AANAT: variants seen among roughly 807,000 people sequenced by gnomAD.
AANAT encodes serotonin N-acetyltransferase.
Under a neutral mutation model 15.6 loss-of-function variants are expected in AANAT, and 11 were observed. The observed-to-expected ratio is 0.71, with a 90% confidence interval of 0.44 to 1.17. AANAT has a LOEUF of 1.17. AANAT is among the 50% of genes most tolerant of loss of function. The probability of loss-of-function intolerance (pLI) is 0.00; values close to 1 mark genes in which losing one functional copy is unlikely to be tolerated. For synonymous variants in AANAT, 139 were observed against 131.5 expected (o/e 1.06, Z -0.39); for missense variants, 286 against 296.3 (o/e 0.97, Z 0.26).
chr17:76,469,462 C>A lies in AANAT; in HGVS notation c.318+135C>A. The stretch of plus-strand genomic sequence containing the variant: ...AGAGATGAGTACAGGCCACAGGCCC[C>A]TCCCAGAGCAAGACCTTCTGGGTCT... On this transcript the variant is annotated intron_variant, in intron 3 of 3. Transcript: ENST00000392492. The surrounding 1 kb of genome is among the most constrained non-coding windows in gnomAD (Gnocchi z 5.2). The A allele has an allele frequency of 7.5e-7, 1 of 1,336,846 alleles. No individual in the cohort carries two copies. 82.8% of individuals were successfully genotyped at this position (1,336,846 alleles called of 1,614,324 possible). A position where few individuals can be genotyped will look rare whatever the true frequency, so the allele number is the denominator to read the frequency against.
chr17:76,468,610 C>T, intron 1 of AANAT, 62 bp from the exon 2 acceptor site: 2 of 1,429,892 alleles, frequency 1.4e-6, no homozygotes, highest in South Asian at 1.3e-5. Context: ...CAGATACATA[C>T]TCTGGGGCCT....
chr17:76,468,818 G>A lies in AANAT; in HGVS notation c.72G>A (p.Pro24=). ...PRLPPGIPES[P]SCQRRHTLPA... The stretch of plus-strand genomic sequence containing the variant: ...TGCCACCTGGGATCCCCGAGTCCCC[G>A]AGCTGTCAGCGGCGCCACACACTCC... Residue 24 remains proline (P), a synonymous_variant, in exon 2 of 4, where the codon CCG becomes CCA. Transcript: ENST00000392492. The A allele has an allele frequency of 1.2e-6, 2 of 1,613,534 alleles. No homozygotes were observed. Among genetic ancestry groups the A allele is most frequent in the Non-Finnish European group, 1.7e-6 (2 of 1,179,974 alleles).
intron 1 of AANAT, among the ~76,000 whole-genome samples, chr17:76,458,425 T>C (rs1311232070): frequency 6.6e-6 from 1 of 152,192 alleles, no homozygotes; most frequent in African/African-American, 2.4e-5. Flanking sequence ...TTTGTCATTG[T>C]TGAGGTGTAG....
Position 76,469,292 on chromosome 17 carries a change from A to T in AANAT, c.283A>T (p.Ile95Phe). ...FEEGCLVAFI[I>F]GSLWDKERLM... ...GGAGGGCTGCCTTGTGGCCTTCATC[A>T]TCGGCTCGCTCTGGGACAAGGAGAG... The change falls in exon 3 of 4, where the codon ATC (isoleucine) becomes TTC (phenylalanine). Residue 95 changes from isoleucine to phenylalanine, a missense_variant. Physicochemically the swap from Ile to Phe is conservative, Grantham distance 21. Transcript: ENST00000392492. The surrounding 1 kb of genome is among the most constrained non-coding windows in gnomAD (Gnocchi z 5.2). 6.2e-7 allele frequency: 1 copy of T among 1,614,128 alleles called. No homozygotes were observed. The highest frequency in any genetic ancestry group is 8.5e-7 in the Non-Finnish European group (1 of 1,180,028).
chr17:76,469,527 T>G lies in AANAT; in HGVS notation c.319-138T>G. ...TGGGGTTGGGGGTATGGCTCCCAAT[T>G]TGGGGCCCTCCTTTGCTGGGGTGGG... is the stretch of plus-strand genomic sequence containing the variant. On this transcript the variant is annotated intron_variant, in intron 3 of 3. Coordinates refer to ENST00000392492, the MANE Select transcript of AANAT (RefSeq NM_001088.3). This position sits in a 1 kb window ranked among gnomAD's most constrained non-coding sequence, Gnocchi z 5.2. 8.1e-7 allele frequency: 1 copy of G among 1,229,900 alleles called. No individual in the cohort carries two copies. The highest frequency in any genetic ancestry group is 1.1e-6 in the Non-Finnish European group (1 of 914,190). 76.2% of individuals were successfully genotyped at this position (1,229,900 alleles called of 1,614,324 possible).
At chr17:76,464,692 G>A (rs915061515), upstream of AANAT, among the ~76,000 whole-genome samples, 11 of 148,514 alleles carry the variant, frequency 7.4e-5, no homozygotes, top group Non-Finnish European at 1.2e-4. Flanking sequence ...CATGAGCCAC[G>A]ACGTCAAGCC....
At chr17:76,453,491 A>G (rs537228095) in exon 1 of AANAT, 5 of 205,188 alleles carry the variant, frequency 2.4e-5, no homozygotes, top group East Asian at 2.2e-4. Flanking sequence ...TGGTGGAGAG[A>G]CTGTCAACAA....
upstream of AANAT, among the ~76,000 whole-genome samples, chr17:76,463,840 C>A (rs1396446908): frequency 1.3e-5 from 2 of 152,170 alleles, no homozygotes; most frequent in African/African-American, 4.8e-5. Flanking sequence ...GATACACATC[C>A]TCTCAGAACC....
chr17:76,454,426 A>G (rs1362569596), intron 1 of AANAT, among the ~76,000 whole-genome samples: 1 of 151,936 alleles, frequency 6.6e-6, no homozygotes, highest in South Asian at 2.1e-4. Flanking sequence ...CTGAGGTTGC[A>G]GTGAGCCCAG....
At chr17:76,462,948 G>A (rs1288466392), upstream of AANAT, among the ~76,000 whole-genome samples, 1 of 152,208 alleles carries the variant, frequency 6.6e-6, no homozygotes, top group African/African-American at 2.4e-5. Flanking sequence ...CCACTCCTTG[G>A]TCTGCCCCAA....
In AANAT at chr17:76,460,226, G is replaced by A. The variant is rs1016133028; in HGVS notation, c.-456+860G>A. On this transcript the variant is annotated intron_variant, in intron 2 of 6. Coordinates refer to the AANAT transcript ENST00000250615. The stretch of plus-strand genomic sequence containing the variant: ...TGTCCTGGCAGGACCTCGACTCACT[G>A]CAACCTCCGCATCCCGGGTTCAAGA... Among the ~76,000 whole-genome samples, 7 of 137,442 alleles carry A rather than the reference G, an allele frequency of 5.1e-5. 1 individual carries two copies. The South Asian group carries it at 1.4e-3, about 28-fold the overall frequency. 90.2% of individuals were successfully genotyped at this position (137,442 alleles called of 152,430 possible).
chr17:76,468,708 C>G lies in AANAT; in HGVS notation c.-39C>G, dbSNP rs555562799. The G allele has an allele frequency of 1.3e-6, 2 of 1,585,896 alleles. No individual in the cohort carries two copies. The highest frequency in any genetic ancestry group is 1.7e-6 in the Non-Finnish European group (2 of 1,168,490). On this transcript the variant is annotated 5_prime_UTR_variant, in exon 2 of 4. Coordinates refer to ENST00000392492, the MANE Select transcript of AANAT (RefSeq NM_001088.3). ...CCCTCCTTGGCTTAGGAGGACACTT[C>G]CAAAGCTGGGGCGCCCCAAGGAGGC...
At chr17:76,464,819 C>T (rs2073421945), upstream of AANAT, among the ~76,000 whole-genome samples, 1 of 150,026 alleles carries the variant, frequency 6.7e-6, no homozygotes, top group Non-Finnish European at 1.5e-5. Context: ...TTTGAGATAG[C>T]AGTTTCACTC....
chr17:76,465,457 T>A (rs1227051774), upstream of AANAT, among the ~76,000 whole-genome samples: 1 of 151,292 alleles, frequency 6.6e-6, no homozygotes. Flanking sequence ...CACCTCAGCC[T>A]CCCAAGTAGC....
chr17:76,456,389 G>T (rs1296535033), intron 1 of AANAT, among the ~76,000 whole-genome samples: 2 of 151,602 alleles, frequency 1.3e-5, no homozygotes, highest in African/African-American at 4.9e-5. Context: ...AAGTACTTAA[G>T]ATGTCTTAGG....
At chr17:76,464,216 C>T (rs1203686091), upstream of AANAT, among the ~76,000 whole-genome samples, 4 of 152,118 alleles carry the variant, frequency 2.6e-5, no homozygotes, top group Non-Finnish European at 5.9e-5. Flanking sequence ...GTGGTGTGCG[C>T]CCGTAATCCC....
Position 76,469,392 on chromosome 17 carries a change from C to T in AANAT, c.318+65C>T, listed in dbSNP as rs892859574. 25 of 1,593,728 alleles carry T rather than the reference C, an allele frequency of 1.6e-5. No homozygotes were observed. The highest frequency in any genetic ancestry group is 8.0e-5 in the African/African-American group (6 of 74,608). Reference sequence around the variant, plus strand: ...CTGAAGACAGAGGTCAGCCAGATGGCGGGGAGGGGAGCCCAGGGGCTGGGA... The same window carrying T: ...CTGAAGACAGAGGTCAGCCAGATGGTGGGGAGGGGAGCCCAGGGGCTGGGA... On this transcript the variant is annotated intron_variant, in intron 3 of 3. Transcript: ENST00000392492. The surrounding 1 kb of genome is among the most constrained non-coding windows in gnomAD (Gnocchi z 5.2).
At chr17:76,464,800 T>TA (rs374904255), upstream of AANAT, among the ~76,000 whole-genome samples, 32 of 32,928 alleles carry the variant, frequency 9.7e-4, no homozygotes, top group Non-Finnish European at 2.6e-3. Flanking sequence ...TATCTATATA[T>TA]TTTTTTTTTT....
At chr17:76,464,935 A>G (rs1484109299), upstream of AANAT, among the ~76,000 whole-genome samples, 3 of 151,912 alleles carry the variant, frequency 2.0e-5, no homozygotes, top group Non-Finnish European at 4.4e-5. Flanking sequence ...GGCTGGGATT[A>G]CAAGCGCCCA....
Sources: allele counts gnomAD v4.1 joint callset (sites outside exome capture counted in the v4.1 genomes callset), GRCh38; gene constraint gnomAD v4.1.1; non-coding constraint Gnocchi (gnomAD v3.1); transcripts MANE v1.5; gene names NCBI Gene and HGNC (gene_info 2026-07-23, HGNC 2026-07-21).